Variants in UNC13D observed in about 807,000 individuals in gnomAD.
UNC13D encodes protein unc-13 homolog D.
Under a neutral mutation model 151.7 loss-of-function variants are expected in UNC13D, and 115 were observed. The observed-to-expected ratio is 0.76, with a 90% confidence interval of 0.65 to 0.88. UNC13D has a LOEUF of 0.88. UNC13D is among the 40% of genes least tolerant of loss of function. The probability of loss-of-function intolerance (pLI) is 0.00; values close to 1 mark genes in which losing one functional copy is unlikely to be tolerated. For synonymous variants in UNC13D, 588 were observed against 612.2 expected (o/e 0.96, Z 0.58); for missense variants, 1,369 against 1,438.7 (o/e 0.95, Z 0.78).
intron 12 of UNC13D, among the ~76,000 whole-genome samples, chr17:75,839,192 C>T (rs918399056): frequency 4.0e-5 from 6 of 151,718 alleles, no homozygotes; most frequent in Admixed American, 6.6e-5. Flanking sequence ...CACCTGAGGT[C>T]GGGAGTTGGA....
At position 75,843,033 on chromosome 17, in the gene UNC13D, T is replaced by C. The variant is rs1280197502; in HGVS notation, c.302A>G (p.Gln101Arg). 1.2e-5 allele frequency: 20 copies of C among 1,607,280 alleles called. No individual in the cohort carries two copies. The highest frequency in any genetic ancestry group is 1.7e-5 in the Non-Finnish European group (20 of 1,177,774). The change falls in exon 4 of 32, where the codon CAG becomes CGG. Residue 101 changes from glutamine to arginine, a missense_variant. Transcript: ENST00000207549. Reference sequence around the variant, plus strand: ...GGTTACCTCAAGCTCCCTGACCCGCTGCAGTGTCTGCTGGTGCTCCTCGGG... The same window carrying C: ...GGTTACCTCAAGCTCCCTGACCCGCCGCAGTGTCTGCTGGTGCTCCTCGGG... The part of the protein sequence containing the change: ...VEPEEHQQTL[Q>R]RVRELEKPIF...
At position 75,835,864 on chromosome 17, in the gene UNC13D, C is replaced by T. The variant is rs759125122; in HGVS notation, c.1587G>A (p.Leu529=). ...IHLFSMAFRE[L]QWLVAKRVQD... Reference sequence around the variant, plus strand: ...CGGGGGAGGGACTCACCAGCCACTGCAGCTCCCGGAAAGCCATGGAGAAGA... The same window carrying T: ...CGGGGGAGGGACTCACCAGCCACTGTAGCTCCCGGAAAGCCATGGAGAAGA... Residue 529 remains leucine (L), a synonymous_variant, in exon 18 of 32, where the codon CTG becomes CTA. Coordinates refer to ENST00000207549, the MANE Select transcript of UNC13D (RefSeq NM_199242.3). The T allele has an allele frequency of 5.6e-6, 9 of 1,614,068 alleles. No homozygotes were observed. The East Asian group carries it at 1.1e-4, about 20-fold the overall frequency.
chr17:75,828,932 G>A lies in UNC13D; in HGVS notation c.3006C>T (p.Thr1002=), dbSNP rs773217124. ...CCCCCAGCGTGTCGTAGTCCAGCAC[G>A]GTGAGCAGGAGGCATGCCCCAGCCT... is the stretch of plus-strand genomic sequence containing the variant. ...CRKAGACLLL[T]VLDYDTLGAD... Residue 1002 remains threonine (T), a synonymous_variant, in exon 31 of 32, where the codon ACC becomes ACT. Transcript: ENST00000207549. 19 of 1,606,492 alleles carry A rather than the reference G, an allele frequency of 1.2e-5. No homozygotes were observed. The highest frequency in any genetic ancestry group is 4.5e-5 in the East Asian group (2 of 44,882).
chr17:75,842,779 CA>C, intron 5 of UNC13D, 77 bp downstream of exon 5: 1 of 1,603,426 alleles, frequency 6.2e-7, no homozygotes, highest in South Asian at 1.1e-5. Context: ...GTGCTCCCGC[CA>C]AGAGTCCTGG....
chr17:75,830,696 T>C (rs1254934336), intron 27 of UNC13D, 35 bp from the exon 28 acceptor site: 2 of 1,553,006 alleles, frequency 1.3e-6, no homozygotes, highest in East Asian at 2.4e-5. Context: ...CCACCTGGAC[T>C]GCACGCCCAA....
chr17:75,831,381 ACGGCAGGGCGG>A (rs2064871698), intron 25 of UNC13D, 33 bp from the exon 26 acceptor site: 1 of 1,585,470 alleles, frequency 6.3e-7, no homozygotes, highest in African/African-American at 1.3e-5. Context: ...CGGACACAGC[ACGGCAGGGCGG>A]TGGCGGAGGA....
chr17:75,840,619 G>C lies in UNC13D; in HGVS notation c.684-43C>G, dbSNP rs569824543. The C allele has an allele frequency of 8.1e-6, 13 of 1,613,492 alleles. No homozygotes were observed. In the East Asian group the frequency reaches 2.9e-4, roughly 36 times the overall value. On this transcript the variant is annotated intron_variant, in intron 8 of 31. Coordinates refer to ENST00000207549, the MANE Select transcript of UNC13D (RefSeq NM_199242.3). This position sits in a 1 kb window ranked among gnomAD's most constrained non-coding sequence, Gnocchi z 4.6. The stretch of plus-strand genomic sequence containing the variant: ...CCATAAGGGGGACGCAGCAAGGGTC[G>C]GAAGGGATTAGGCTGGAATCCACCC...
chr17:75,843,631 C>G lies in UNC13D; in HGVS notation c.118-112G>C, dbSNP rs140145360. On this transcript the variant is annotated intron_variant, in intron 1 of 31. Transcript: ENST00000207549. ...GGCCAAGGGTATGGGGGCCCCAGCA[C>G]CCCGGCCTCCAGCCCCAGTGATGCC... 5.0e-5 allele frequency: 76 copies of G among 1,531,426 alleles called. No individual in the cohort carries two copies. The African/African-American group carries it at 9.1e-4, about 18-fold the overall frequency. 94.9% of individuals were successfully genotyped at this position (1,531,426 alleles called of 1,614,324 possible).
rs2062142030 is a variant in UNC13D at position 75,828,900 on chromosome 17, T to A, written c.3038A>T (p.Asp1013Val). 6.2e-7 allele frequency: 1 copy of A among 1,606,676 alleles called. No individual in the cohort carries two copies. Among genetic ancestry groups the A allele is most frequent in the Non-Finnish European group, 8.5e-7 (1 of 1,179,498 alleles). The part of the protein sequence containing the change: ...VLDYDTLGAD[D>V]LEGEAFLPLR... ...CGGCAGGAAGGCCTCGCCTTCCAGG[T>A]CGTCGGCCCCCAGCGTGTCGTAGTC... Residue 1013 changes from aspartate to valine, a missense_variant, in exon 31 of 32, where the codon GAC becomes GTC. Asp to Val is a radical substitution (Grantham distance 152). This residue lies in a region of UNC13D where 807 missense variants were observed against 795.5 expected (regional missense o/e 1.01). Coordinates refer to ENST00000207549, the MANE Select transcript of UNC13D (RefSeq NM_199242.3).
intron 27 of UNC13D, 135 bp from the exon 28 acceptor site, chr17:75,830,796 T>C: frequency 8.6e-7 from 1 of 1,156,946 alleles, no homozygotes; most frequent in Non-Finnish European, 1.2e-6. Context: ...GACAACGGGC[T>C]GGGGCCACCC....
intron 31 of UNC13D, among the ~76,000 whole-genome samples, chr17:75,828,509 C>A (rs1469221563): frequency 6.6e-6 from 1 of 152,242 alleles, no homozygotes; most frequent in Non-Finnish European, 1.5e-5. Flanking sequence ...TTGCTGGTAT[C>A]AAAAATGCTC....
Position 75,834,084 on chromosome 17 carries a change from C to A in UNC13D, c.2358G>T (p.Leu786=), listed in dbSNP as rs532486218. ...QKLVGVRESV[L]PEDAILPLMK... ...CAGAAGGGCCACTTACATCCTCAGG[C>A]AGGACAGACTCCCTGACGCCCACCA... is the stretch of plus-strand genomic sequence containing the variant. Residue 786 remains leucine (L), a synonymous_variant, in exon 24 of 32, where the codon CTG becomes CTT. Transcript: ENST00000207549. 11 of 1,613,760 alleles carry A rather than the reference C, an allele frequency of 6.8e-6. No homozygotes were observed. Among genetic ancestry groups the A allele is most frequent in the Non-Finnish European group, 9.3e-6 (11 of 1,180,022 alleles).
rs2062133637 is a variant in UNC13D, at chr17:75,827,743, GC to G, written c.*221del. On this transcript the variant is annotated 3_prime_UTR_variant, in exon 32 of 32. Coordinates refer to ENST00000207549, the MANE Select transcript of UNC13D (RefSeq NM_199242.3). Reference sequence around the variant, plus strand: ...GCTGGGATGTGGTAGAGACATTGCAGCCAGGGCTGGAGGCAGGGAGGCGGGA... The same window carrying G: ...GCTGGGATGTGGTAGAGACATTGCAGCAGGGCTGGAGGCAGGGAGGCGGGA... 7.4e-6 allele frequency: 11 copies of G among 1,492,240 alleles called. No individual in the cohort carries two copies. The allele number at this position is 1,492,240 out of a possible 1,614,324, so 92.4% of individuals were successfully genotyped here. A position where few individuals can be genotyped will look rare whatever the true frequency, so the allele number is the denominator to read the frequency against.
In UNC13D at chr17:75,829,745, C is replaced by T. The variant is rs190586766; in HGVS notation, c.2954+283G>A. The T allele has an allele frequency of 3.3e-4, 132 of 395,664 alleles. 1 individual carries two copies. The highest frequency in any genetic ancestry group is 1.7e-3 in the Middle Eastern group (2 of 1,202). The allele number at this position is 395,664 out of a possible 1,614,324, so 24.5% of individuals were successfully genotyped here. Reference sequence around the variant, plus strand: ...AGCTGAGAGTACAGGTACCCACCATCATGCCCGGCTAATTTTGTATTTTTA... The same window carrying T: ...AGCTGAGAGTACAGGTACCCACCATTATGCCCGGCTAATTTTGTATTTTTA... On this transcript the variant is annotated intron_variant, in intron 30 of 31. Coordinates refer to ENST00000207549, the MANE Select transcript of UNC13D (RefSeq NM_199242.3).
Position 75,842,943 on chromosome 17 carries a change from G to A in UNC13D, c.322-20C>T. 6.2e-7 allele frequency: 1 copy of A among 1,613,246 alleles called. No individual in the cohort carries two copies. The highest frequency in any genetic ancestry group is 8.5e-7 in the Non-Finnish European group (1 of 1,179,990). ...TGGCTTCTGGAGGGACAGGAGGGAT[G>A]GCCTGAGTCCCTGAGGGGGCTGGGC... is the stretch of plus-strand genomic sequence containing the variant. On this transcript the variant is annotated intron_variant, in intron 4 of 31. Transcript: ENST00000207549.
intron 20 of UNC13D, 62 bp from the exon 21 acceptor site, chr17:75,835,125 T>A: frequency 6.3e-7 from 1 of 1,599,810 alleles, no homozygotes; most frequent in Non-Finnish European, 8.5e-7. Flanking sequence ...CCTTCCTTCA[T>A]TCATAGAGCA....
In UNC13D at chr17:75,840,540, G is replaced by A. The variant is rs772025455; in HGVS notation, c.720C>T (p.Asp240=). ...FKEARKDKGQ[D]DFLGNVVLRL... is the part of the protein sequence containing the mutation. ...TCAGAACCACGTTCCCCAGAAAGTC[G>A]TCCTGGCCTTTGTCCTTCCGGGCCT... The change falls in exon 9 of 32, where the codon GAC becomes GAT. Residue 240 remains aspartate (D), a synonymous_variant. Coordinates refer to ENST00000207549, the MANE Select transcript of UNC13D (RefSeq NM_199242.3). The surrounding 1 kb of genome is among the most constrained non-coding windows in gnomAD (Gnocchi z 4.6). 24 of 1,613,746 alleles carry A rather than the reference G, an allele frequency of 1.5e-5. No individual in the cohort carries two copies. Among genetic ancestry groups the A allele is most frequent in the South Asian group, 5.5e-5 (5 of 91,090 alleles).
In UNC13D at chr17:75,843,278, G is replaced by A. The variant is rs201566360; in HGVS notation, c.154-12C>T. On this transcript the variant is annotated splice_polypyrimidine_tract_variant and intron_variant, in intron 2 of 31. Transcript: ENST00000207549. ...TAGAGCAGGGCCCGCTAAGACACACGGGGTCACCTTGGGGACCCCACCAGC... is the reference window on the plus strand; with the variant it reads ...TAGAGCAGGGCCCGCTAAGACACACAGGGTCACCTTGGGGACCCCACCAGC... The A allele has an allele frequency of 2.2e-5, 36 of 1,604,260 alleles. No individual in the cohort carries two copies. Among genetic ancestry groups the A allele is most frequent in the Admixed American group, 1.0e-4 (6 of 59,960 alleles).
intron 18 of UNC13D, 24 bp from the exon 19 acceptor site, chr17:75,835,801 C>CG (rs1368103515): frequency 3.1e-6 from 5 of 1,613,832 alleles, no homozygotes; most frequent in Non-Finnish European, 4.2e-6. Context: ...GTGTGGAGGG[C>CG]GGGGCCCACA....
Sources: gnomAD v4.1 joint callset for allele counts (sites outside exome capture counted in the v4.1 genomes callset) on GRCh38, gnomAD v4.1.1 for gene constraint, gnomAD v4.1.1 regional missense constraint, Gnocchi (gnomAD v3.1) non-coding constraint, MANE v1.5 for transcripts, NCBI Gene and HGNC (gene_info 2026-07-23, HGNC 2026-07-21) for gene names.